DCHS2: variants seen among roughly 807,000 people sequenced by gnomAD.
DCHS2 encodes protocadherin-23.
In DCHS2, 142 loss-of-function variants were observed where a neutral mutation model predicts 182.4. That is an observed-to-expected ratio of 0.78 (90% confidence interval 0.68 to 0.89). The LOEUF is 0.89. DCHS2 is among the 40% of genes least tolerant of loss of function. The probability of loss-of-function intolerance (pLI) is 0.00; values close to 1 mark genes in which losing one functional copy is unlikely to be tolerated. For synonymous variants in DCHS2, 1,740 were observed against 1,663.3 expected (o/e 1.05, Z -1.12); for missense variants, 4,319 against 4,198.6 (o/e 1.03, Z -0.79).
In DCHS2 at chr4:154,491,284, C is replaced by A. The variant is rs1728827279; in HGVS notation, c.72G>T (p.Leu24=). The change falls in exon 1 of 20, where the codon CTG becomes CTT. Residue 24 remains leucine (L), a synonymous_variant. Coordinates refer to ENST00000357232, the MANE Select transcript of DCHS2 (RefSeq NM_001358235.2). ...GGGGTGTATCTCTCCTCCCGGGGAG[C>A]AGAAGGAGCTTCCCGACCGGAGCCC... ...QRRAPVGKLL[L]LPGRRDTPHG... 3.2e-6 allele frequency: 5 copies of A among 1,549,690 alleles called. No homozygotes were observed. In the East Asian group the frequency reaches 9.8e-5, roughly 30 times the overall value.
At chr4:154,317,876 T>C (rs992304994) in intron 9 of DCHS2, among the ~76,000 whole-genome samples, 1 of 152,154 alleles carries the variant, frequency 6.6e-6, no homozygotes, top group African/African-American at 2.4e-5. Context: ...AATGTTACAA[T>C]TGATGTGAAA....
In DCHS2 at chr4:154,489,954, AGATGCTCCC is replaced by A. The variant is rs1728738147; in HGVS notation, c.1393_1401del (p.Gly465_Ile467del). 1.3e-6 allele frequency: 2 copies of A among 1,543,792 alleles called. No individual in the cohort carries two copies. Among genetic ancestry groups the A allele is most frequent in the Non-Finnish European group, 1.8e-6 (2 of 1,142,064 alleles). On this transcript the variant is annotated inframe_deletion, in exon 1 of 20. Coordinates refer to ENST00000357232, the MANE Select transcript of DCHS2 (RefSeq NM_001358235.2). ...CCCTCTCCGCCTTCCAAGGACAGAG[AGATGCTCCC>A]GTCTCCAAGACCCACACCAAGCTCC...
chr4:154,431,518 G>T (rs1002612117), intron 1 of DCHS2, among the ~76,000 whole-genome samples: 3 of 151,310 alleles, frequency 2.0e-5, no homozygotes, highest in South Asian at 4.2e-4. Flanking sequence ...TTATATTATT[G>T]TATATAGGAA....
rs1731308452 is a variant in DCHS2, at chr4:154,233,853, ATTAT to A, written c.*679_*682del. 6.6e-6 allele frequency: 1 copy of A among 152,148 alleles called. No individual in the cohort carries two copies. The highest frequency in any genetic ancestry group is 1.5e-5 in the Non-Finnish European group (1 of 68,026). The allele number at this position is 152,148 out of a possible 1,614,324, so 9.4% of individuals were successfully genotyped here. On this transcript the variant is annotated 3_prime_UTR_variant, in exon 20 of 20. Coordinates refer to ENST00000357232, the MANE Select transcript of DCHS2 (RefSeq NM_001358235.2). ...TTTCTGGTTTATTGAATCATGAATA[ATTAT>A]TTATATTACCTATCATTATAAATCC... is the stretch of plus-strand genomic sequence containing the variant.
intron 3 of DCHS2, among the ~76,000 whole-genome samples, chr4:154,343,937 A>G (rs1367453222): frequency 6.6e-6 from 1 of 152,188 alleles, no homozygotes; most frequent in Non-Finnish European, 1.5e-5. Flanking sequence ...TGATTTAAAG[A>G]GAGAGATATG....
intron 12 of DCHS2, among the ~76,000 whole-genome samples, chr4:154,300,085 G>A (rs1272676452): frequency 6.6e-6 from 1 of 152,156 alleles, no homozygotes; most frequent in African/African-American, 2.4e-5. Flanking sequence ...AGAGGAAAGA[G>A]CCCGTGGGAA....
chr4:154,392,155 C>T (rs1011095017), intron 1 of DCHS2, among the ~76,000 whole-genome samples: 2 of 152,106 alleles, frequency 1.3e-5, no homozygotes, highest in African/African-American at 4.8e-5. Context: ...CACAAAGATA[C>T]ATTGAAATGC....
Position 154,297,951 on chromosome 4 carries a change from T to G in DCHS2, c.6363A>C (p.Thr2121=). The G allele has an allele frequency of 6.2e-7, 1 of 1,614,140 alleles. No homozygotes were observed. Among genetic ancestry groups the G allele is most frequent in the Non-Finnish European group, 8.5e-7 (1 of 1,180,002 alleles). The change falls in exon 13 of 20, where the codon ACA becomes ACC. Residue 2121 remains threonine (T), a synonymous_variant. Coordinates refer to ENST00000357232, the MANE Select transcript of DCHS2 (RefSeq NM_001358235.2). ...TGTGAATGACCAAGAGACCCGTGGT[T>G]GTCCTGGCTGGAATGCCCTGGTCTG... ...KVTDQGIPAR[T]TTGLLVIHME... is the part of the protein sequence containing the mutation.
chr4:154,382,739 G>GA (rs1243629524), intron 1 of DCHS2, among the ~76,000 whole-genome samples: 1 of 151,868 alleles, frequency 6.6e-6, no homozygotes, highest in East Asian at 1.9e-4. Context: ...AGAAACATAT[G>GA]AAAAAAATGC....
At chr4:154,262,809 AGTTTT>A (rs1733051376) in intron 14 of DCHS2, among the ~76,000 whole-genome samples, 1 of 152,178 alleles carries the variant, frequency 6.6e-6, no homozygotes, top group Non-Finnish European at 1.5e-5. Context: ...AAGTTTGATC[AGTTTT>A]GTTTTGCGCC....
chr4:154,329,756 C>A (rs543361806), intron 5 of DCHS2, 46 bp from the exon 6 acceptor site: 4 of 1,539,422 alleles, frequency 2.6e-6, no homozygotes, highest in Non-Finnish European at 2.7e-6. Flanking sequence ...GTGTACCAGG[C>A]GCACCAGGGC....
At position 154,236,274 on chromosome 4, in the gene DCHS2, G is replaced by C. The variant is rs763406614; in HGVS notation, c.8378C>G (p.Ala2793Gly). ...PISSTICSINALDFDAGPYGE... is the reference protein window; with the variant it reads ...PISSTICSINGLDFDAGPYGE... ...ATACGGACCAGCATCAAAATCCAGA[G>C]CATTTATAGAGCATATGGTAGAGGA... The change falls in exon 20 of 20, where the codon GCT (alanine) becomes GGT (glycine). Residue 2793 changes from alanine (A) to glycine (G), a missense_variant. Physicochemically the swap from Ala to Gly is moderately conservative, Grantham distance 60. Transcript: ENST00000357232. 1 of 1,614,036 alleles carries C rather than the reference G, an allele frequency of 6.2e-7. No homozygotes were observed. The highest frequency in any genetic ancestry group is 1.1e-5 in the South Asian group (1 of 91,076).
At chr4:154,389,536 A>ATATATATAT (rs1485000004) in intron 1 of DCHS2, among the ~76,000 whole-genome samples, 7 of 144,536 alleles carry the variant, frequency 4.8e-5, no homozygotes, top group Non-Finnish European at 9.2e-5. Context: ...ATATATATAT[A>ATATATATAT]ACCTTTTTTT....
intron 2 of DCHS2, among the ~76,000 whole-genome samples, chr4:154,367,038 A>AACAGGCAGAGGAAAGAG (rs1452144908): frequency 5.9e-5 from 9 of 151,992 alleles, no homozygotes; most frequent in Non-Finnish European, 1.0e-4. Context: ...AAAGGAAAGA[A>AACAGGCAGAGGAAAGAG]TAACAGGCAG....
chr4:154,289,633 A>G (rs1012322547), intron 13 of DCHS2, among the ~76,000 whole-genome samples: 7 of 152,082 alleles, frequency 4.6e-5, no homozygotes, highest in African/African-American at 1.7e-4. Flanking sequence ...AGAGACATCA[A>G]AAAAAGAGAA....
At chr4:154,442,644 A>G (rs4318629) in intron 1 of DCHS2, among the ~76,000 whole-genome samples, 3 of 148,472 alleles carry the variant, frequency 2.0e-5, no homozygotes, top group Non-Finnish European at 4.4e-5. Flanking sequence ...GGGCTGGAAG[A>G]GAGGTGTATA....
intron 3 of DCHS2, among the ~76,000 whole-genome samples, chr4:154,345,487 G>A (rs1729316269): frequency 6.6e-6 from 1 of 152,206 alleles, no homozygotes; most frequent in African/African-American, 2.4e-5. Flanking sequence ...ACGTCACCTT[G>A]TTCACATGTC....
chr4:154,380,622 C>A, intron 1 of DCHS2, among the ~76,000 whole-genome samples: 1 of 152,166 alleles, frequency 6.6e-6, no homozygotes, highest in East Asian at 1.9e-4. Context: ...CTTTCAAGAC[C>A]TTTTTCTCAT....
intron 1 of DCHS2, among the ~76,000 whole-genome samples, chr4:154,407,339 TCTC>T (rs1732442708): frequency 2.0e-5 from 3 of 152,152 alleles, no homozygotes. Context: ...GTTTCTATGT[TCTC>T]CTCCTTTTTT....
Sources: gnomAD v4.1 joint callset for allele counts (sites outside exome capture counted in the v4.1 genomes callset) on GRCh38, gnomAD v4.1.1 for gene constraint, MANE v1.5 for transcripts, NCBI Gene and HGNC (gene_info 2026-07-23, HGNC 2026-07-21) for gene names.